The following TRANK1 variants were observed in gnomAD, a reference collection of about 807,000 sequenced individuals.
TRANK1 encodes the protein TPR and ankyrin repeat-containing protein 1.
A neutral mutation model predicts 266.0 loss-of-function variants in TRANK1; 198 were observed. The ratio of observed to expected loss-of-function variants is 0.74; its 90% CI spans 0.66 to 0.84. The LOEUF (loss-of-function observed/expected upper bound fraction) is 0.84, where lower values mean the gene tolerates loss of function less well. Among genes scored for constraint, TRANK1 ranks in the 40% least tolerant of loss-of-function variants. TRANK1 has a pLI of 0.00. For synonymous variants in TRANK1, 1,396 were observed against 1,384.1 expected (o/e 1.01, Z -0.19); for missense variants, 3,326 against 3,634.6 (o/e 0.92, Z 2.18).
intron 1 of TRANK1, among the ~76,000 whole-genome samples, chr3:36,934,875 T>G (rs1009521025): frequency 6.6e-6 from 1 of 152,152 alleles, no homozygotes; most frequent in African/African-American, 2.4e-5. Context: ...CCAGAATAGC[T>G]ATCCCTGAGT....
chr3:36,856,645 A>G lies in TRANK1; in HGVS notation c.3077T>C (p.Ile1026Thr). Residue 1026 changes from isoleucine to threonine, a missense_variant, in exon 13 of 24, where the codon ATC becomes ACC. Physicochemically the swap from Ile to Thr is moderately conservative, Grantham distance 89. Coordinates refer to ENST00000645898, the MANE Select transcript of TRANK1 (RefSeq NM_001329998.2). ...GGTGCTGAAGCTGTGGAACTTCATG[A>G]TGTTATATTCTGTCTCCACTGCACT... ...PASAVETEYN[I>T]MKFHSFSTNM... 4 of 1,613,976 alleles carry G rather than the reference A, an allele frequency of 2.5e-6. No homozygotes were observed. The highest frequency in any genetic ancestry group is 3.4e-6 in the Non-Finnish European group (4 of 1,179,884).
intron 20 of TRANK1, among the ~76,000 whole-genome samples, chr3:36,835,298 G>A (rs2078754711): frequency 1.7e-5 from 2 of 119,758 alleles, no homozygotes; most frequent in Admixed American, 1.0e-4. Flanking sequence ...CAGCCTGGGC[G>A]ACAGAGCGAG....
chr3:36,889,756 G>A, intron 8 of TRANK1, 73 bp downstream of exon 8: 2 of 1,462,026 alleles, frequency 1.4e-6, no homozygotes, highest in Non-Finnish European at 1.8e-6. Context: ...AAACAAGGCA[G>A]TCGGTGGTGT....
upstream of TRANK1, chr3:36,945,147 G>C: frequency 1.2e-5 from 4 of 320,460 alleles, no homozygotes; most frequent in Non-Finnish European, 2.3e-5. Context: ...CAAAAGGGGC[G>C]TTTCGGTGTC....
At chr3:36,861,924 C>T (rs1310005982) in intron 10 of TRANK1, among the ~76,000 whole-genome samples, 2 of 152,012 alleles carry the variant, frequency 1.3e-5, no homozygotes, top group African/African-American at 4.8e-5. Context: ...CCAGGATGGT[C>T]TCGATCTCCT....
At chr3:36,860,329 G>A (rs1248974417) in intron 11 of TRANK1, among the ~76,000 whole-genome samples, 3 of 152,158 alleles carry the variant, frequency 2.0e-5, no homozygotes, top group East Asian at 3.8e-4. Flanking sequence ...GGTAGGAGGA[G>A]GTTGGTGTTT....
At chr3:36,900,722 A>AT (rs1269671489) in intron 3 of TRANK1, among the ~76,000 whole-genome samples, 6 of 151,642 alleles carry the variant, frequency 4.0e-5, no homozygotes, top group Non-Finnish European at 5.9e-5. Context: ...CAAAAAAAAA[A>AT]TTTGTTTTCA....
Position 36,833,033 on chromosome 3 carries a change from G to A in TRANK1, c.6550C>T (p.Leu2184Phe). The A allele has an allele frequency of 6.2e-7, 1 of 1,612,684 alleles. No homozygotes were observed. Among genetic ancestry groups the A allele is most frequent in the Non-Finnish European group, 8.5e-7 (1 of 1,179,276 alleles). Residue 2184 changes from leucine (L) to phenylalanine (F), a missense_variant, in exon 22 of 24, where the codon CTT (leucine) becomes TTT (phenylalanine). Leu to Phe is a conservative substitution (Grantham distance 22). Coordinates refer to ENST00000645898, the MANE Select transcript of TRANK1 (RefSeq NM_001329998.2). ...GRLCQITRSL[L>F]GKTYRGVCMR... is the part of the protein sequence containing the mutation. ...CAGACTCCTCGGTAGGTCTTCCCAA[G>A]CAGGCTCCGTGTGATCTGACACAGC... is the stretch of plus-strand genomic sequence containing the variant.
chr3:36,931,782 C>T (rs1313010100), intron 1 of TRANK1, among the ~76,000 whole-genome samples: 2 of 152,200 alleles, frequency 1.3e-5, no homozygotes, highest in African/African-American at 4.8e-5. Context: ...GGTGTGGTGG[C>T]TCACACTTGT....
At chr3:36,900,216 A>G (rs2079854920) in intron 3 of TRANK1, among the ~76,000 whole-genome samples, 1 of 152,176 alleles carries the variant, frequency 6.6e-6, no homozygotes, top group Non-Finnish European at 1.5e-5. Context: ...TTGGGCCGGA[A>G]CAAAAGAATG....
In TRANK1 at chr3:36,893,283, C is replaced by A. The variant is rs34707335; in HGVS notation, c.553-299G>T. Reference sequence around the variant, plus strand: ...TCACAGCATAGTTGCAATGAGATTACAAAAAAAAAAGAGTAATTCCCTGCC... The same window carrying A: ...TCACAGCATAGTTGCAATGAGATTAAAAAAAAAAAAGAGTAATTCCCTGCC... On this transcript the variant is annotated intron_variant, in intron 5 of 23. Transcript: ENST00000645898. 0.33 allele frequency among the ~76,000 whole-genome samples: 48,255 copies of A among 147,754 alleles called. 8,483 individuals are homozygous for A. The highest frequency in any genetic ancestry group is 0.57 in the East Asian group (2,862 of 5,052).
chr3:36,848,613 G>C (rs2078945889), intron 15 of TRANK1, among the ~76,000 whole-genome samples: 1 of 152,146 alleles, frequency 6.6e-6, no homozygotes, highest in South Asian at 2.1e-4. Flanking sequence ...TGTAAACAAG[G>C]TTAAATGCCT....
At chr3:36,893,269 T>C (rs1400102337) in intron 5 of TRANK1, among the ~76,000 whole-genome samples, 19 of 146,636 alleles carry the variant, frequency 1.3e-4, no homozygotes, top group African/African-American at 3.9e-4. Flanking sequence ...CACAGCATAG[T>C]TGCAATGAGA....
At chr3:36,914,858 C>G (rs9813869) in intron 1 of TRANK1, among the ~76,000 whole-genome samples, 56,971 of 151,962 alleles carry the variant, frequency 0.37, 11,213 homozygotes, top group Non-Finnish European at 0.45. Flanking sequence ...GGCTTGTCTC[C>G]AACTCCTGAC....
At position 36,832,744 on chromosome 3, in the gene TRANK1, C is replaced by T; in HGVS notation, c.6839G>A (p.Arg2280Lys). The change falls in exon 22 of 24, where the codon AGA (arginine) becomes AAA (lysine). Residue 2280 changes from arginine to lysine, a missense_variant. Physicochemically the swap from Arg to Lys is conservative, Grantham distance 26. Transcript: ENST00000645898. Reference sequence around the variant, plus strand: ...TGCCATGGGGTTTTCTGACAACACTCTCTGATGGAAATGCTTAGGGAAAAG... The same window carrying T: ...TGCCATGGGGTTTTCTGACAACACTTTCTGATGGAAATGCTTAGGGAAAAG... The part of the protein sequence containing the change: ...DVLFPKHFHQ[R>K]VLSENPMACK... 6.2e-7 allele frequency: 1 copy of T among 1,613,996 alleles called. No individual in the cohort carries two copies. The highest frequency in any genetic ancestry group is 8.5e-7 in the Non-Finnish European group (1 of 1,179,902).
intron 1 of TRANK1, among the ~76,000 whole-genome samples, chr3:36,929,949 C>T (rs1473084062): frequency 1.3e-5 from 2 of 151,924 alleles, no homozygotes; most frequent in African/African-American, 2.4e-5. Flanking sequence ...TCTTGTTGCC[C>T]AGGCTGGAGT....
At chr3:36,942,790 A>G (rs1473613354) in intron 1 of TRANK1, among the ~76,000 whole-genome samples, 2 of 151,718 alleles carry the variant, frequency 1.3e-5, no homozygotes, top group African/African-American at 4.8e-5. Context: ...ATACTCTGGG[A>G]GAGCGGCGGA....
In TRANK1 at chr3:36,944,837, A is replaced by ACCG. The variant is rs762021723; in HGVS notation, c.-31_-29dup. On this transcript the variant is annotated 5_prime_UTR_variant, in exon 1 of 24. Coordinates refer to ENST00000645898, the MANE Select transcript of TRANK1 (RefSeq NM_001329998.2). ...CTGCGGCCGGAGGGTCCGCACCAGG[A>ACCG]CCGCCGCCGCCTGGGGAAGCGCTTC... is the stretch of plus-strand genomic sequence containing the variant. The ACCG allele has an allele frequency of 1.9e-4, 275 of 1,454,788 alleles. No homozygotes were observed. The highest frequency in any genetic ancestry group is 2.4e-4 in the Non-Finnish European group (267 of 1,110,968). 90.1% of individuals were successfully genotyped at this position (1,454,788 alleles called of 1,614,324 possible).
chr3:36,927,123 G>T (rs757575464), intron 1 of TRANK1, among the ~76,000 whole-genome samples: 19 of 152,098 alleles, frequency 1.2e-4, no homozygotes, highest in Non-Finnish European at 2.5e-4. Context: ...TTCCCCTAAG[G>T]TCCCACAGCG....
Sources: allele counts gnomAD v4.1 joint callset (sites outside exome capture counted in the v4.1 genomes callset), GRCh38; gene constraint gnomAD v4.1.1; transcripts MANE v1.5; gene names NCBI Gene and HGNC (gene_info 2026-07-23, HGNC 2026-07-21).